The following TOX2 variants were observed in gnomAD, a reference collection of about 807,000 sequenced individuals.
TOX2 encodes granulosa cell HMG box 1.
In TOX2, 15 loss-of-function variants were observed where a neutral mutation model predicts 47.4. The ratio of observed to expected loss-of-function variants is 0.32; its 90% CI spans 0.21 to 0.49. The LOEUF (loss-of-function observed/expected upper bound fraction) is 0.49. Among genes scored for constraint, TOX2 ranks in the 20% least tolerant of loss-of-function variants. The probability of loss-of-function intolerance (pLI) is 0.99; values close to 1 mark genes in which losing one functional copy is unlikely to be tolerated. For synonymous variants in TOX2, 290 were observed against 296.6 expected, an observed-to-expected ratio of 0.98 and a Z score of 0.23; for missense variants, 622 against 673.1, an observed-to-expected ratio of 0.92 and a Z score of 0.84.
intron 3 of TOX2, among the ~76,000 whole-genome samples, chr20:44,026,228 G>GAGAGATAT (rs1555842268): frequency 3.3e-5 from 2 of 60,258 alleles, no homozygotes; most frequent in African/African-American, 1.9e-4. Flanking sequence ...AAGAAACTGT[G>GAGAGATAT]ATATATATAT....
At position 44,022,315 on chromosome 20, in the gene TOX2, T is replaced by C. The variant is rs189550900; in HGVS notation, c.411+15523T>C. On this transcript the variant is annotated intron_variant, in intron 3 of 8. Transcript: ENST00000341197. ...CCCTCTGAACTTTAGTGTTTTTTTT[T>C]GTGTGTGTAAAATAGATGTATTATT... Among the ~76,000 whole-genome samples the C allele has an allele frequency of 5.4e-3, 820 of 152,244 alleles. 3 individuals are homozygous for C. Among genetic ancestry groups the C allele is most frequent in the Middle Eastern group, 0.034 (10 of 294 alleles).
intron 2 of TOX2, 53 bp from the exon 3 acceptor site, chr20:44,006,494 T>C: frequency 1.3e-6 from 2 of 1,560,902 alleles, no homozygotes; most frequent in Non-Finnish European, 1.7e-6. Flanking sequence ...GTTGGGTATG[T>C]TCTGCGGTTG....
chr20:43,990,346 T>G (rs6073271), intron 2 of TOX2, among the ~76,000 whole-genome samples: 5 of 151,994 alleles, frequency 3.3e-5, no homozygotes, highest in Non-Finnish European at 7.4e-5. Flanking sequence ...AGTGGATGCT[T>G]ACTACATTTT....
intron 1 of TOX2, among the ~76,000 whole-genome samples, chr20:43,935,478 A>C (rs1356598395): frequency 2.6e-5 from 4 of 152,162 alleles, no homozygotes; most frequent in African/African-American, 9.7e-5. Context: ...GTGAATACCT[A>C]CTATGTGCCA....
intron 3 of TOX2, among the ~76,000 whole-genome samples, chr20:44,033,303 A>G (rs2071185514): frequency 6.6e-6 from 1 of 152,104 alleles, no homozygotes; most frequent in Admixed American, 6.5e-5. Flanking sequence ...GCCCCAGGAC[A>G]TCTCAGAGAG....
Position 43,915,130 on chromosome 20 carries a change from C to A in TOX2, c.99+140C>A. The A allele has an allele frequency of 2.6e-6, 1 of 391,876 alleles. No individual in the cohort carries two copies. The highest frequency in any genetic ancestry group is 3.8e-6 in the Non-Finnish European group (1 of 266,490). 24.3% of individuals were successfully genotyped at this position (391,876 alleles called of 1,614,324 possible). On this transcript the variant is annotated intron_variant, in intron 1 of 8. Transcript: ENST00000341197. This position sits in a 1 kb window ranked among gnomAD's most constrained non-coding sequence, Gnocchi z 7.1. ...CACGGGCGGCTCACATCGATCCCCTCGCGGCCACGCTCACGCCCTGAGTTG... is the reference window on the plus strand; with the variant it reads ...CACGGGCGGCTCACATCGATCCCCTAGCGGCCACGCTCACGCCCTGAGTTG...
Position 43,967,003 on chromosome 20 carries a change from C to T in TOX2, c.100-6364C>T, listed in dbSNP as rs138225356. 7.8e-4 allele frequency among the ~76,000 whole-genome samples: 119 copies of T among 152,252 alleles called. 1 individual carries two copies. In the South Asian group the frequency reaches 0.017, roughly 22 times the overall value. The stretch of plus-strand genomic sequence containing the variant: ...TTTGTGGTGCCTGTGTGTGCCCCTA[C>T]GCTGTGCATACCACATGCACTGTAT... On this transcript the variant is annotated intron_variant, in intron 1 of 8. Transcript: ENST00000341197.
At chr20:44,003,195 T>C (rs2070615026) in intron 2 of TOX2, among the ~76,000 whole-genome samples, 1 of 151,576 alleles carries the variant, frequency 6.6e-6, no homozygotes, top group Non-Finnish European at 1.5e-5. Context: ...TTTTTTTTTT[T>C]TTTTTTTTTA....
chr20:43,947,695 T>A (rs1265058702), intron 1 of TOX2, among the ~76,000 whole-genome samples: 1 of 152,184 alleles, frequency 6.6e-6, no homozygotes, highest in African/African-American at 2.4e-5. Flanking sequence ...GACTGGCCAT[T>A]TTGAAAGAGA....
Position 43,915,706 on chromosome 20 carries a change from A to C in TOX2, c.99+716A>C, listed in dbSNP as rs73908108. Among the ~76,000 whole-genome samples, 5,127 of 152,284 alleles carry C rather than the reference A, an allele frequency of 0.034. 294 individuals are homozygous for C. Among genetic ancestry groups the C allele is most frequent in the African/African-American group, 0.12 (4,867 of 41,546 alleles). ...CCGCAGCACACTAATTGGGCAGTTTACTAATTGGCCGTCACTGCCTGGCGG... is the reference window on the plus strand; with the variant it reads ...CCGCAGCACACTAATTGGGCAGTTTCCTAATTGGCCGTCACTGCCTGGCGG... On this transcript the variant is annotated intron_variant, in intron 1 of 8. Coordinates refer to ENST00000341197, the MANE Select transcript of TOX2 (RefSeq NM_001098797.2). This position sits in a 1 kb window ranked among gnomAD's most constrained non-coding sequence, Gnocchi z 7.1.
intron 1 of TOX2, among the ~76,000 whole-genome samples, chr20:43,966,535 G>T (rs1478753145): frequency 6.6e-6 from 1 of 151,942 alleles, no homozygotes; most frequent in Non-Finnish European, 1.5e-5. Flanking sequence ...AGGCAGGCAG[G>T]TCACTTGAGA....
intron 3 of TOX2, among the ~76,000 whole-genome samples, chr20:44,015,045 G>T (rs902535625): frequency 6.6e-6 from 1 of 152,136 alleles, no homozygotes; most frequent in African/African-American, 2.4e-5. Flanking sequence ...GAAGCAGGGG[G>T]TTACCAGGGG....
intron 1 of TOX2, among the ~76,000 whole-genome samples, chr20:43,963,382 G>A (rs2069795735): frequency 9.4e-6 from 1 of 106,892 alleles, no homozygotes; most frequent in Non-Finnish European, 1.8e-5. Flanking sequence ...GACATTCCCA[G>A]CTCCTGCGGC....
In TOX2 at chr20:44,065,840, C is replaced by T. The variant is rs2071806168; in HGVS notation, c.1089C>T (p.Ala363=). ...ASFLTPSDLQ[A]FRSGASPASL... The stretch of plus-strand genomic sequence containing the variant: ...TCCTGACGCCGTCGGACCTGCAGGC[C>T]TTCCGCAGTGGGGCCTCCCCTGCCA... Residue 363 remains alanine, a synonymous_variant, in exon 7 of 9, where the codon GCC becomes GCT. Coordinates refer to ENST00000341197, the MANE Select transcript of TOX2 (RefSeq NM_001098797.2). 2 of 1,613,718 alleles carry T rather than the reference C, an allele frequency of 1.2e-6. No individual in the cohort carries two copies. Among genetic ancestry groups the T allele is most frequent in the Admixed American group, 1.7e-5 (1 of 59,994 alleles).
intron 1 of TOX2, among the ~76,000 whole-genome samples, chr20:43,927,789 CT>C (rs1426301002): frequency 1.4e-5 from 2 of 146,798 alleles, no homozygotes; most frequent in African/African-American, 5.1e-5. Context: ...CCCTCCCTCC[CT>C]CCCTCTATCC....
In TOX2 at chr20:44,068,831, C is replaced by G. The variant is rs973863466; in HGVS notation, c.*145C>G. ...CACCCATTGCCCGGGGGCTGAGTCT[C>G]TTCCTCAACCTCCCACCAGACTCTG... On this transcript the variant is annotated 3_prime_UTR_variant, in exon 9 of 9. Transcript: ENST00000341197. 2.8e-6 allele frequency: 3 copies of G among 1,081,890 alleles called. No homozygotes were observed. Among genetic ancestry groups the G allele is most frequent in the Non-Finnish European group, 4.2e-6 (3 of 719,338 alleles). The allele number at this position is 1,081,890 out of a possible 1,614,324, so 67.0% of individuals were successfully genotyped here. A position where few individuals can be genotyped will look rare whatever the true frequency, so the allele number is the denominator to read the frequency against.
chr20:43,960,750 C>T (rs2145426454), intron 1 of TOX2, among the ~76,000 whole-genome samples: 1 of 152,356 alleles, frequency 6.6e-6, no homozygotes, highest in East Asian at 1.9e-4. Flanking sequence ...CTTGGGTTCT[C>T]TACCACTCCT....
intron 2 of TOX2, among the ~76,000 whole-genome samples, chr20:43,987,702 C>T (rs1230709815): frequency 5.3e-5 from 8 of 151,884 alleles, no homozygotes; most frequent in Admixed American, 1.3e-4. Flanking sequence ...AGCCTTTTAC[C>T]GCTTGAACAA....
At chr20:43,933,786 C>T (rs936802533) in intron 1 of TOX2, among the ~76,000 whole-genome samples, 1 of 152,110 alleles carries the variant, frequency 6.6e-6, no homozygotes, top group Admixed American at 6.5e-5. Context: ...CCAGAGGGAG[C>T]AGCTGTGGGC....
Sources: gnomAD v4.1 joint callset for allele counts (sites outside exome capture counted in the v4.1 genomes callset) on GRCh38, gnomAD v4.1.1 for gene constraint, Gnocchi (gnomAD v3.1) non-coding constraint, MANE v1.5 for transcripts, NCBI Gene and HGNC (gene_info 2026-07-23, HGNC 2026-07-21) for gene names.